RET: variants seen among roughly 807,000 people sequenced by gnomAD.
The protein encoded by RET is ret proto-oncogene, also known as proto-oncogene tyrosine-protein kinase receptor Ret.
RET carries 19 observed loss-of-function variants against 118.3 expected under a neutral mutation model. That is an observed-to-expected ratio of 0.16 (90% CI 0.11 to 0.24). The LOEUF (loss-of-function observed/expected upper bound fraction) is 0.24. Among genes scored for constraint, RET ranks in the 10% least tolerant of loss-of-function variants. The pLI, the probability that RET is intolerant of heterozygous loss-of-function variation, is 1.00. For missense variants in RET, 1,219 were observed against 1,502.1 expected, an observed-to-expected ratio of 0.81 and a Z score of 3.12; for synonymous variants, 597 against 644.1, an observed-to-expected ratio of 0.93 and a Z score of 1.11.
At position 43,106,607 on chromosome 10, in the gene RET, C is replaced by T; in HGVS notation, c.1063+36C>T. The stretch of plus-strand genomic sequence containing the variant: ...CTGGTGGCACGGCCTGGCTAGGCCC[C>T]CAGGAAATGAGGTGCTCGCTCTTCA... On this transcript the variant is annotated intron_variant, in intron 5 of 19. Transcript: ENST00000355710. This position sits in a 1 kb window ranked among gnomAD's most constrained non-coding sequence, Gnocchi z 5.1. The T allele has an allele frequency of 3.7e-6, 6 of 1,602,706 alleles. No homozygotes were observed. Among genetic ancestry groups the T allele is most frequent in the Non-Finnish European group, 5.1e-6 (6 of 1,173,306 alleles).
At chr10:43,091,398 G>T (rs1207267358) in intron 1 of RET, among the ~76,000 whole-genome samples, 1 of 151,988 alleles carries the variant, frequency 6.6e-6, no homozygotes, top group Non-Finnish European at 1.5e-5. Context: ...GGAGGCTCAC[G>T]CAGGCAGATC....
chr10:43,114,524 G>T lies in RET; in HGVS notation c.1924G>T (p.Val642Phe). The change falls in exon 11 of 20, where the codon GTC (valine) becomes TTC (phenylalanine). Residue 642 changes from valine (V) to phenylalanine (F), a missense_variant. Physicochemically the swap from Val to Phe is conservative, Grantham distance 50. Coordinates refer to ENST00000355710, the MANE Select transcript of RET (RefSeq NM_020975.6). The surrounding 1 kb of genome is among the most constrained non-coding windows in gnomAD (Gnocchi z 4.6). ...ELCRTVIAAAVLFSFIVSVLL... is the reference protein window; with the variant it reads ...ELCRTVIAAAFLFSFIVSVLL... Reference sequence around the variant, plus strand: ...GTGCCGCACGGTGATCGCAGCCGCTGTCCTCTTCTCCTTCATCGTCTCGGT... The same window carrying T: ...GTGCCGCACGGTGATCGCAGCCGCTTTCCTCTTCTCCTTCATCGTCTCGGT... The T allele has an allele frequency of 1.2e-6, 2 of 1,609,568 alleles. No homozygotes were observed. The highest frequency in any genetic ancestry group is 2.2e-5 in the East Asian group (1 of 44,856).
intron 2 of RET, 134 bp downstream of exon 2, chr10:43,100,856 A>T: frequency 9.8e-7 from 1 of 1,024,936 alleles, no homozygotes; most frequent in Non-Finnish European, 1.5e-6. Flanking sequence ...TCAGGGGTTA[A>T]GTGAGGCTGG....
At chr10:43,116,092 G>T (rs1159035931) in intron 11 of RET, among the ~76,000 whole-genome samples, 2 of 152,246 alleles carry the variant, frequency 1.3e-5, no homozygotes, top group Non-Finnish European at 2.9e-5. Flanking sequence ...TAGAACTTTG[G>T]TGGGAGGGCA....
At position 43,129,695 on chromosome 10, in the gene RET, T is replaced by C. The variant is rs2133060364; in HGVS notation, c.*1426T>C. The C allele has an allele frequency of 2.9e-6, 1 of 342,492 alleles. No individual in the cohort carries two copies. Among genetic ancestry groups the C allele is most frequent in the East Asian group, 4.1e-5 (1 of 24,178 alleles). The allele number at this position is 342,492 out of a possible 1,614,324, so 21.2% of individuals were successfully genotyped here. ...AATAGTCTCATTCAAATACTGTATT[T>C]TATATAGGCATTTCACAAAAACAGC... is the stretch of plus-strand genomic sequence containing the variant. On this transcript the variant is annotated 3_prime_UTR_variant, in exon 20 of 20. Transcript: ENST00000355710.
intron 3 of RET, 110 bp from the exon 4 acceptor site, chr10:43,104,842 G>T (rs1837722448): frequency 6.7e-7 from 1 of 1,484,722 alleles, no homozygotes; most frequent in African/African-American, 1.4e-5. Flanking sequence ...GAGGCCTGGG[G>T]CCGCGGCGGT....
intron 1 of RET, among the ~76,000 whole-genome samples, chr10:43,082,809 A>G (rs1014059280): frequency 2.6e-5 from 4 of 152,176 alleles, no homozygotes; most frequent in African/African-American, 9.7e-5. Context: ...AATTTAAGTA[A>G]TGACTGGGGA....
chr10:43,098,702 G>A lies in RET; in HGVS notation c.74-1757G>A, dbSNP rs149708066. On this transcript the variant is annotated intron_variant, in intron 1 of 19. Transcript: ENST00000355710. ...CTCCGAAAGTATTAGGATTACAGGC[G>A]TGAGCCACTGCGCCCGGCCAGATTT... Among the ~76,000 whole-genome samples, 349 of 152,284 alleles carry A rather than the reference G, an allele frequency of 2.3e-3. 5 individuals are homozygous for A. The South Asian group carries it at 0.026, about 11-fold the overall frequency.
At position 43,118,458 on chromosome 10, in the gene RET, G is replaced by T. The variant is rs75030001; in HGVS notation, c.2370G>T (p.Leu790Phe). Residue 790 changes from leucine to phenylalanine, a missense_variant, in exon 13 of 20, where the codon TTG becomes TTT. Around this residue, in one of 5 missense-constraint regions of RET, gnomAD observed 850 missense variants for 969.6 expected, o/e 0.88. Coordinates refer to ENST00000355710, the MANE Select transcript of RET (RefSeq NM_020975.6). ...TCAACCACCCACATGTCATCAAATT[G>T]TATGGGGCCTGCAGCCAGGATGGTA... Reference protein sequence around the residue: ...KQVNHPHVIKLYGACSQDGPL... With the variant: ...KQVNHPHVIKFYGACSQDGPL... 21 of 1,613,962 alleles carry T rather than the reference G, an allele frequency of 1.3e-5. No homozygotes were observed. Among genetic ancestry groups the T allele is most frequent in the African/African-American group, 2.7e-5 (2 of 75,070 alleles).
rs2132857629 is a variant in RET at position 43,114,824 on chromosome 10, C to A, written c.2136+88C>A. 7.1e-7 allele frequency: 1 copy of A among 1,410,096 alleles called. No individual in the cohort carries two copies. Among genetic ancestry groups the A allele is most frequent in the Non-Finnish European group, 9.5e-7 (1 of 1,048,754 alleles). The allele number at this position is 1,410,096 out of a possible 1,614,324, so 87.3% of individuals were successfully genotyped here. A position where few individuals can be genotyped will look rare whatever the true frequency, so the allele number is the denominator to read the frequency against. On this transcript the variant is annotated intron_variant, in intron 11 of 19. Transcript: ENST00000355710. The surrounding 1 kb of genome is among the most constrained non-coding windows in gnomAD (Gnocchi z 4.6). Reference sequence around the variant, plus strand: ...GGCCAGCTGGGGAGACAGAGGCCATCCTGTGAGGGGCTGCCAACGCTGGGC... The same window carrying A: ...GGCCAGCTGGGGAGACAGAGGCCATACTGTGAGGGGCTGCCAACGCTGGGC...
In RET at chr10:43,130,302, C is replaced by T; in HGVS notation, c.*2033C>T. ...CAGATCATGTTCCTTTTTTTGTAAT[C>T]AAGGTGACTAAGAAAATCAGTTGTG... On this transcript the variant is annotated 3_prime_UTR_variant, in exon 20 of 20. Coordinates refer to ENST00000355710, the MANE Select transcript of RET (RefSeq NM_020975.6). 1 of 337,160 alleles carries T rather than the reference C, an allele frequency of 3.0e-6. No homozygotes were observed. The highest frequency in any genetic ancestry group is 5.3e-6 in the Non-Finnish European group (1 of 188,266). 20.9% of individuals were successfully genotyped at this position (337,160 alleles called of 1,614,324 possible).
At chr10:43,088,025 G>C (rs1837326247) in intron 1 of RET, among the ~76,000 whole-genome samples, 1 of 152,118 alleles carries the variant, frequency 6.6e-6, no homozygotes, top group African/African-American at 2.4e-5. Context: ...TGGAAGTCAT[G>C]ATAGTGAGTG....
intron 3 of RET, 142 bp downstream of exon 3, chr10:43,102,771 G>C: frequency 9.8e-7 from 1 of 1,024,136 alleles, no homozygotes; most frequent in Middle Eastern, 2.7e-4. Flanking sequence ...CCTCTTGCAT[G>C]CCTGCCAGGG....
intron 1 of RET, among the ~76,000 whole-genome samples, chr10:43,096,124 T>G (rs1304285678): frequency 1.3e-5 from 2 of 152,120 alleles, no homozygotes; most frequent in African/African-American, 4.8e-5. Context: ...CACGTGGCAT[T>G]TGGGCTTTGA....
chr10:43,086,304 A>G (rs1458913565), intron 1 of RET, among the ~76,000 whole-genome samples: 1 of 152,248 alleles, frequency 6.6e-6, no homozygotes, highest in Non-Finnish European at 1.5e-5. Flanking sequence ...TGAGGAGCAC[A>G]CCGTGGATTC....
intron 1 of RET, among the ~76,000 whole-genome samples, chr10:43,093,623 G>A (rs1837455389): frequency 6.6e-6 from 1 of 152,190 alleles, no homozygotes; most frequent in African/African-American, 2.4e-5. Flanking sequence ...AACCAGCCGA[G>A]GGGGTGAGCA....
intron 18 of RET, 50 bp downstream of exon 18, chr10:43,125,032 T>C (rs1382428443): frequency 6.5e-7 from 1 of 1,535,842 alleles, no homozygotes; most frequent in East Asian, 2.3e-5. Context: ...TTGGGGAGAC[T>C]CCAGCCTCAC....
intron 13 of RET, among the ~76,000 whole-genome samples, chr10:43,119,064 G>C (rs919549090): frequency 6.6e-6 from 1 of 152,206 alleles, no homozygotes; most frequent in Non-Finnish European, 1.5e-5. Context: ...ACTGTGGTCG[G>C]CACCAGTAGA....
intron 11 of RET, among the ~76,000 whole-genome samples, chr10:43,116,171 C>T (rs1838065237): frequency 6.6e-6 from 1 of 152,240 alleles, no homozygotes; most frequent in South Asian, 2.1e-4. Context: ...AGGAGCAGTG[C>T]TTCCACACTC....
Sources: allele counts gnomAD v4.1 joint callset (sites outside exome capture counted in the v4.1 genomes callset), GRCh38; gene constraint gnomAD v4.1.1; regional missense constraint gnomAD v4.1.1; non-coding constraint Gnocchi (gnomAD v3.1); transcripts MANE v1.5; gene names NCBI Gene and HGNC (gene_info 2026-07-23, HGNC 2026-07-21).